The following FAAH2 variants were observed in gnomAD, a reference collection of about 807,000 sequenced individuals.
The protein encoded by FAAH2 is fatty-acid amide hydrolase 2.
A neutral mutation model predicts 36.9 loss-of-function variants in FAAH2; 60 were observed. The observed-to-expected ratio is 1.63, with a 90% CI of 1.32 to 2.02. The LOEUF is 2.02. Ranked by LOEUF, FAAH2 falls within the 30% of genes most tolerant of loss-of-function variation. The probability of loss-of-function intolerance (pLI) is 0.00; values close to 1 mark genes in which losing one functional copy is unlikely to be tolerated. For synonymous variants in FAAH2, 214 were observed against 143.8 expected (o/e 1.49, Z -3.49); for missense variants, 689 against 397.5 (o/e 1.73, Z -6.23).
At chrX:57,352,393 A>G (rs2054046707) in intron 5 of FAAH2, among the ~76,000 whole-genome samples, 1 of 108,021 alleles carries the variant, frequency 9.3e-6, no homozygotes, top group Non-Finnish European at 1.9e-5. Flanking sequence ...TCAAAGAAAA[A>G]GCATTCGATA....
At chrX:57,479,565 G>T (rs1044956849) in intron 10 of FAAH2, among the ~76,000 whole-genome samples, 7 of 111,325 alleles carry the variant, frequency 6.3e-5, no homozygotes, top group Admixed American at 5.8e-4. Context: ...CCTGTCTTGT[G>T]CCAGTTTTCA....
the FAAH2 span, among the ~76,000 whole-genome samples, chrX:57,277,824 T>C: frequency 2.7e-5 from 3 of 111,093 alleles, no homozygotes; most frequent in African/African-American, 6.5e-5. Flanking sequence ...CCATTCACAA[T>C]TGCTACAAAG....
chrX:57,470,236 A>T (rs2057137531), intron 10 of FAAH2, among the ~76,000 whole-genome samples: 1 of 111,015 alleles, frequency 9.0e-6, no homozygotes, highest in South Asian at 3.8e-4. Context: ...AGAAGGAGAG[A>T]AATAACTCAG....
chrX:57,141,006 G>A, the FAAH2 span, among the ~76,000 whole-genome samples: 1 of 112,030 alleles, frequency 8.9e-6, no homozygotes, highest in Non-Finnish European at 1.9e-5. Flanking sequence ...CAGTCATTTT[G>A]TCTTGTTCCA....
chrX:57,281,666 C>G, the FAAH2 span, among the ~76,000 whole-genome samples: 1 of 111,568 alleles, frequency 9.0e-6, no homozygotes, highest in Non-Finnish European at 1.9e-5. Context: ...TTTTGCCATC[C>G]AGGTAATTTG....
At chrX:57,237,359 A>G in the FAAH2 span, among the ~76,000 whole-genome samples, 1 of 111,332 alleles carries the variant, frequency 9.0e-6, no homozygotes, top group Non-Finnish European at 1.9e-5. Flanking sequence ...AATACAAGGT[A>G]AAATATTACA....
intron 7 of FAAH2, among the ~76,000 whole-genome samples, chrX:57,382,531 C>G (rs1304515476): frequency 3.6e-5 from 4 of 111,583 alleles, no homozygotes; most frequent in Admixed American, 2.9e-4. Context: ...ACTACCATCA[C>G]AGAATACTAT....
the FAAH2 span, among the ~76,000 whole-genome samples, chrX:57,149,121 T>C: frequency 8.9e-6 from 1 of 111,778 alleles, no homozygotes; most frequent in Non-Finnish European, 1.9e-5. Flanking sequence ...TTGATCATGG[T>C]GGATAAGCTT....
chrX:57,484,929 T>A (rs2057446875), intron 10 of FAAH2, among the ~76,000 whole-genome samples: 1 of 111,002 alleles, frequency 9.0e-6, no homozygotes, highest in African/African-American at 3.3e-5. Context: ...GAGAGTTGGG[T>A]TGGTCCCTGG....
chrX:57,348,329 A>C (rs745428399), intron 5 of FAAH2, among the ~76,000 whole-genome samples: 16 of 111,147 alleles, frequency 1.4e-4, no homozygotes, highest in South Asian at 7.6e-4. Flanking sequence ...ACCACTGCCA[A>C]CATGAGCACA....
the FAAH2 span, among the ~76,000 whole-genome samples, chrX:57,219,051 T>C: frequency 1.6e-4 from 18 of 111,588 alleles, no homozygotes; most frequent in African/African-American, 5.5e-4. Flanking sequence ...ACCAGCAAGA[T>C]AGCAGAGGCA....
intron 7 of FAAH2, among the ~76,000 whole-genome samples, chrX:57,424,434 A>G (rs1375166800): frequency 3.6e-5 from 4 of 111,877 alleles, no homozygotes; most frequent in Non-Finnish European, 7.5e-5. Flanking sequence ...CTGAAGTTTG[A>G]ACTAAGCAAC....
intron 7 of FAAH2, among the ~76,000 whole-genome samples, chrX:57,407,342 T>G (rs2055590910): frequency 8.9e-6 from 1 of 111,771 alleles, no homozygotes; most frequent in Non-Finnish European, 1.9e-5. Flanking sequence ...CTGCAGGAGC[T>G]CACCAACCAG....
chrX:57,390,267 A>G (rs750064220), intron 7 of FAAH2, among the ~76,000 whole-genome samples: 45 of 111,862 alleles, frequency 4.0e-4, no homozygotes, highest in African/African-American at 1.4e-3. Context: ...GCCAAGACCA[A>G]TGTCACGGAG....
the FAAH2 span, among the ~76,000 whole-genome samples, chrX:57,155,054 C>T: frequency 8.9e-6 from 1 of 111,808 alleles, no homozygotes; most frequent in African/African-American, 3.3e-5. Flanking sequence ...GTCTCTCATC[C>T]AGGGATACCA....
rs1299301221 is a variant in FAAH2, at chrX:57,431,954, G to A, written c.1033G>A (p.Val345Ile). Reference sequence around the variant, plus strand: ...CCTTGAAACTATTCTAGGAGCCTCAGTTCAACATGTTAAACTGAAGAAAAT... The same window carrying A: ...CCTTGAAACTATTCTAGGAGCCTCAATTCAACATGTTAAACTGAAGAAAAT... Reference protein sequence around the residue: ...VHLETILGASVQHVKLKKMKY... With the variant: ...VHLETILGASIQHVKLKKMKY... The change falls in exon 8 of 11, where the codon GTT becomes ATT. Residue 345 changes from valine to isoleucine, a missense_variant. Physicochemically the swap from Val to Ile is conservative, Grantham distance 29. Transcript: ENST00000374900. 1 of 1,201,423 alleles carries A rather than the reference G, an allele frequency of 8.3e-7. No homozygotes were observed. The highest frequency in any genetic ancestry group is 1.1e-6 in the Non-Finnish European group (1 of 890,743).
chrX:57,264,462 C>T, the FAAH2 span, among the ~76,000 whole-genome samples: 38 of 112,463 alleles, frequency 3.4e-4, no homozygotes, highest in South Asian at 4.0e-3. Context: ...TAGAGAAATG[C>T]AAATCAAAAC....
At chrX:57,297,339 T>C (rs1421096969) in intron 2 of FAAH2, among the ~76,000 whole-genome samples, 1 of 109,233 alleles carries the variant, frequency 9.2e-6, no homozygotes. Flanking sequence ...CAGCATTTCA[T>C]ATACAGCCAA....
the FAAH2 span, among the ~76,000 whole-genome samples, chrX:57,150,701 T>C: frequency 8.9e-6 from 1 of 112,384 alleles, no homozygotes; most frequent in African/African-American, 3.2e-5. Context: ...TGATGGGTCT[T>C]GACTCTTTAT....
Sources: allele counts gnomAD v4.1 joint callset (sites outside exome capture counted in the v4.1 genomes callset), GRCh38; gene constraint gnomAD v4.1.1; transcripts MANE v1.5; gene names NCBI Gene and HGNC (gene_info 2026-07-23, HGNC 2026-07-21).